HUNK: variants seen among roughly 807,000 people sequenced by gnomAD.
HUNK encodes hormonally up-regulated Neu-associated kinase, also known as hormonally up-regulated neu tumor-associated kinase.
A neutral mutation model predicts 61.0 loss-of-function variants in HUNK; 21 were observed. That is an observed-to-expected ratio of 0.34 (90% CI 0.24 to 0.50). The LOEUF (loss-of-function observed/expected upper bound fraction) is 0.50. HUNK is among the 20% of genes least tolerant of loss of function. The pLI is 0.98. For missense variants in HUNK, 772 were observed against 945.7 expected (o/e 0.82, Z 2.41); for synonymous variants, 371 against 386.1 (o/e 0.96, Z 0.46).
At chr21:31,876,558 G>A (rs550123944) in intron 1 of HUNK, among the ~76,000 whole-genome samples, 1 of 152,108 alleles carries the variant, frequency 6.6e-6, no homozygotes, top group Non-Finnish European at 1.5e-5. Context: ...CCTAACTAAG[G>A]CCAAAACAAA....
intron 1 of HUNK, among the ~76,000 whole-genome samples, chr21:31,894,045 A>G (rs1029067391): frequency 1.3e-5 from 2 of 152,054 alleles, no homozygotes; most frequent in Non-Finnish European, 2.9e-5. Context: ...TTATTCTTGT[A>G]CCTTTTCAAC....
intron 2 of HUNK, among the ~76,000 whole-genome samples, chr21:31,932,866 C>G (rs572066369): frequency 6.6e-6 from 1 of 151,876 alleles, no homozygotes; most frequent in East Asian, 1.9e-4. Flanking sequence ...CATCCTCACC[C>G]CCAGCACTGT....
chr21:31,898,328 C>T (rs1458588268), intron 1 of HUNK, among the ~76,000 whole-genome samples: 3 of 152,130 alleles, frequency 2.0e-5, no homozygotes, highest in African/African-American at 7.2e-5. Context: ...TGCAATGGCG[C>T]GATCTCGGCT....
Position 31,968,287 on chromosome 21 carries a change from T to C in HUNK, c.912T>C (p.Asp304=). The C allele has an allele frequency of 6.2e-7, 1 of 1,614,164 alleles. No homozygotes were observed. Among genetic ancestry groups the C allele is most frequent in the Non-Finnish European group, 8.5e-7 (1 of 1,180,024 alleles). Residue 304 remains aspartate, a synonymous_variant, in exon 6 of 11, where the codon GAT becomes GAC. Transcript: ENST00000270112. The part of the protein sequence containing the change: ...ISFLRSLLEP[D]PVKRPNIQQA... ...TCCTGCGCTCTCTCCTGGAACCGGATCCTGTGAAGAGGCCAAATATTCAGC... is the reference window on the plus strand; with the variant it reads ...TCCTGCGCTCTCTCCTGGAACCGGACCCTGTGAAGAGGCCAAATATTCAGC...
intron 1 of HUNK, among the ~76,000 whole-genome samples, chr21:31,920,103 A>C (rs1257683743): frequency 6.6e-6 from 1 of 152,160 alleles, no homozygotes; most frequent in Non-Finnish European, 1.5e-5. Flanking sequence ...AGTGGCAGCC[A>C]ACATTCCTTG....
intron 1 of HUNK, among the ~76,000 whole-genome samples, chr21:31,895,022 G>A (rs531768617): frequency 5.0e-4 from 76 of 152,298 alleles, no homozygotes; most frequent in Non-Finnish European, 9.1e-4. Context: ...GGATTTTAGC[G>A]AATCTCAGGT....
intron 6 of HUNK, among the ~76,000 whole-genome samples, chr21:31,969,990 C>G (rs1304512059): frequency 1.3e-5 from 2 of 152,148 alleles, no homozygotes; most frequent in African/African-American, 4.8e-5. Flanking sequence ...CAGTACCTTC[C>G]AAGACTGGGA....
At chr21:31,911,499 G>A (rs2052545423) in intron 1 of HUNK, among the ~76,000 whole-genome samples, 1 of 152,216 alleles carries the variant, frequency 6.6e-6, no homozygotes, top group Admixed American at 6.5e-5. Flanking sequence ...GGCGGGTCAA[G>A]CCGAGGGAGC....
intron 1 of HUNK, among the ~76,000 whole-genome samples, chr21:31,904,192 C>T (rs551342289): frequency 6.4e-4 from 97 of 152,068 alleles, no homozygotes; most frequent in African/African-American, 2.3e-3. Context: ...ATTGAAATCC[C>T]AGGAGATTTT....
At chr21:31,882,824 G>A (rs2052318536) in intron 1 of HUNK, among the ~76,000 whole-genome samples, 1 of 152,140 alleles carries the variant, frequency 6.6e-6, no homozygotes, top group South Asian at 2.1e-4. Context: ...CACCAGGGCA[G>A]ATGTATTTTT....
At chr21:31,909,853 G>A (rs1162854461) in intron 1 of HUNK, among the ~76,000 whole-genome samples, 1 of 152,230 alleles carries the variant, frequency 6.6e-6, no homozygotes, top group African/African-American at 2.4e-5. Context: ...GGAAGATGGC[G>A]TGAAACCAAT....
intron 7 of HUNK, among the ~76,000 whole-genome samples, chr21:31,979,748 C>T (rs1386990534): frequency 2.0e-5 from 3 of 151,874 alleles, no homozygotes; most frequent in East Asian, 2.0e-4. Context: ...ATCTCCTGAC[C>T]TCGTGATCTG....
intron 7 of HUNK, among the ~76,000 whole-genome samples, chr21:31,982,891 C>G (rs568548855): frequency 6.6e-6 from 1 of 152,158 alleles, no homozygotes; most frequent in Non-Finnish European, 1.5e-5. Context: ...GCAGCCTCCA[C>G]CTCCCGGATT....
At chr21:31,970,750 A>G (rs962241324) in intron 6 of HUNK, among the ~76,000 whole-genome samples, 1 of 152,212 alleles carries the variant, frequency 6.6e-6, no homozygotes, top group Non-Finnish European at 1.5e-5. Flanking sequence ...ACAAAGAATT[A>G]CGAGGCGACA....
chr21:31,894,693 A>C (rs2052413780), intron 1 of HUNK, among the ~76,000 whole-genome samples: 2 of 152,210 alleles, frequency 1.3e-5, no homozygotes, highest in Non-Finnish European at 2.9e-5. Context: ...TGGGCAGCCC[A>C]GTTGGACAAA....
intron 3 of HUNK, among the ~76,000 whole-genome samples, chr21:31,944,111 G>A (rs982770204): frequency 2.0e-5 from 3 of 152,150 alleles, no homozygotes; most frequent in African/African-American, 7.2e-5. Context: ...ATGGAGTCTC[G>A]TTCTGTCTCC....
intron 1 of HUNK, among the ~76,000 whole-genome samples, chr21:31,903,548 T>A (rs2833551): frequency 0.15 from 22,927 of 152,234 alleles, 2,346 homozygotes; most frequent in Admixed American, 0.33. Flanking sequence ...AGCTAGGCGG[T>A]TGACTAAATG....
intron 4 of HUNK, among the ~76,000 whole-genome samples, chr21:31,950,746 G>T (rs1311572831): frequency 3.3e-5 from 5 of 152,124 alleles, no homozygotes; most frequent in Non-Finnish European, 5.9e-5. Flanking sequence ...AATGTAGAAG[G>T]CTGTTTAAAA....
intron 1 of HUNK, among the ~76,000 whole-genome samples, chr21:31,884,496 G>A (rs1200930764): frequency 6.6e-6 from 1 of 151,980 alleles, no homozygotes; most frequent in Non-Finnish European, 1.5e-5. Context: ...GGAGGCTGAG[G>A]CAGGAGAATC....
Sources: gnomAD v4.1 joint callset for allele counts (sites outside exome capture counted in the v4.1 genomes callset) on GRCh38, gnomAD v4.1.1 for gene constraint, MANE v1.5 for transcripts, NCBI Gene and HGNC (gene_info 2026-07-23, HGNC 2026-07-21) for gene names.